Variants in SCRN1 observed in about 807,000 individuals in gnomAD.
The protein encoded by SCRN1 is secernin 1.
In SCRN1, 19 loss-of-function variants were observed where a neutral mutation model predicts 43.3. That is an observed-to-expected ratio of 0.44 (90% confidence interval 0.31 to 0.64). The LOEUF (loss-of-function observed/expected upper bound fraction) is 0.64. SCRN1 is among the 30% of genes least tolerant of loss of function. The pLI, the probability that SCRN1 is intolerant of heterozygous loss-of-function variation, is 0.09. For missense variants in SCRN1, 447 were observed against 524.1 expected, an observed-to-expected ratio of 0.85 and a Z score of 1.44; for synonymous variants, 183 against 188.9, an observed-to-expected ratio of 0.97 and a Z score of 0.26.
chr7:29,930,194 T>C (rs11971393), intron 6 of SCRN1, among the ~76,000 whole-genome samples: 29,033 of 152,074 alleles, frequency 0.19, 2,847 homozygotes, highest in Middle Eastern at 0.23. Context: ...TAAGGTTATC[T>C]AAAAAATAAT....
At position 29,968,924 on chromosome 7, in the gene SCRN1, C is replaced by T. The variant is rs151092464; in HGVS notation, c.144G>A (p.Pro48=). The T allele has an allele frequency of 8.1e-6, 13 of 1,614,098 alleles. 1 individual carries two copies. Among genetic ancestry groups the T allele is most frequent in the Middle Eastern group, 3.3e-4 (2 of 6,060 alleles). Residue 48 remains proline (P), a synonymous_variant, in exon 2 of 8, where the codon CCG becomes CCA. Transcript: ENST00000242059. ...VVYFSAADHE[P]ESKVECTYIS... ...CACGGCTTACCTCAACCTTGCTCTC[C>T]GGTTCGTGATCAGCAGCCGAGAAAT...
rs1201376450 is a variant in SCRN1 at position 29,968,949 on chromosome 7, T to C, written c.119A>G (p.Tyr40Cys). The C allele has an allele frequency of 1.9e-6, 3 of 1,613,894 alleles. No homozygotes were observed. Among genetic ancestry groups the C allele is most frequent in the Non-Finnish European group, 2.5e-6 (3 of 1,180,018 alleles). ...CGGTTCGTGATCAGCAGCCGAGAAA[T>C]ACACAACCTCTTGCACTTCATCTCT... ...RPRDEVQEVV[Y>C]FSAADHEPES... is the part of the protein sequence containing the mutation. Residue 40 changes from tyrosine (Y) to cysteine (C), a missense_variant, in exon 2 of 8, where the codon TAT becomes TGT. Physicochemically the swap from Tyr to Cys is radical, Grantham distance 194 (BLOSUM62 -2). Coordinates refer to ENST00000242059, the MANE Select transcript of SCRN1 (RefSeq NM_014766.5).
At position 29,920,133 on chromosome 7, in the gene SCRN1, T is replaced by C. The variant is rs1329003515; in HGVS notation, c.*3824A>G. The stretch of plus-strand genomic sequence containing the variant: ...GTTAATTTCAGTTTTTTTTATTGTA[T>C]GCTTGATGCATTTAGAGACAATTCC... On this transcript the variant is annotated 3_prime_UTR_variant, in exon 8 of 8. Coordinates refer to ENST00000242059, the MANE Select transcript of SCRN1 (RefSeq NM_014766.5). 1 of 152,642 alleles carries C rather than the reference T, an allele frequency of 6.6e-6. No individual in the cohort carries two copies. The highest frequency in any genetic ancestry group is 1.5e-5 in the Non-Finnish European group (1 of 68,038). 9.5% of individuals were successfully genotyped at this position (152,642 alleles called of 1,614,324 possible). A position where few individuals can be genotyped will look rare whatever the true frequency, so the allele number is the denominator to read the frequency against.
At chr7:29,973,609 G>T (rs1437767817) in intron 1 of SCRN1, among the ~76,000 whole-genome samples, 1 of 152,176 alleles carries the variant, frequency 6.6e-6, no homozygotes, top group Non-Finnish European at 1.5e-5. Flanking sequence ...GTCACATCAA[G>T]TACTTTAGTG....
chr7:29,951,520 G>A (rs1005251987), intron 3 of SCRN1, among the ~76,000 whole-genome samples: 29 of 152,190 alleles, frequency 1.9e-4, no homozygotes, highest in African/African-American at 4.8e-5. Flanking sequence ...TGGGATTACA[G>A]GCATGAGCCA....
intron 2 of SCRN1, among the ~76,000 whole-genome samples, chr7:29,960,170 C>T (rs1424363172): frequency 1.3e-5 from 2 of 152,048 alleles, no homozygotes; most frequent in East Asian, 1.9e-4. Flanking sequence ...TACACACACC[C>T]CACACATCAC....
At chr7:29,976,903 A>G (rs568389301) in intron 1 of SCRN1, among the ~76,000 whole-genome samples, 17 of 152,374 alleles carry the variant, frequency 1.1e-4, no homozygotes, top group African/African-American at 4.1e-4. Context: ...CTAGGAGACC[A>G]CATACAGAAT....
At chr7:29,958,675 T>C (rs1346700476) in intron 2 of SCRN1, among the ~76,000 whole-genome samples, 1 of 152,246 alleles carries the variant, frequency 6.6e-6, no homozygotes, top group Non-Finnish European at 1.5e-5. Context: ...ACGGTGCTGG[T>C]CTCACCTTTG....
At chr7:29,930,072 C>A (rs1787107839) in intron 6 of SCRN1, among the ~76,000 whole-genome samples, 1 of 151,902 alleles carries the variant, frequency 6.6e-6, no homozygotes, top group African/African-American at 2.4e-5. Context: ...CCAAAGCTCT[C>A]CAAATATTTT....
At chr7:29,947,026 C>T (rs1787758385) in intron 3 of SCRN1, among the ~76,000 whole-genome samples, 1 of 152,236 alleles carries the variant, frequency 6.6e-6, no homozygotes, top group African/African-American at 2.4e-5. Flanking sequence ...GGGCAGTGCT[C>T]TCTGGCCCCA....
intron 6 of SCRN1, among the ~76,000 whole-genome samples, chr7:29,929,436 A>G (rs546740893): frequency 5.3e-4 from 80 of 152,302 alleles, no homozygotes; most frequent in African/African-American, 1.8e-3. Flanking sequence ...CTCCAAACCC[A>G]AGTGGGAGCA....
chr7:29,960,508 CT>C (rs905821844), intron 2 of SCRN1, among the ~76,000 whole-genome samples: 1 of 152,100 alleles, frequency 6.6e-6, no homozygotes, highest in African/African-American at 2.4e-5. Context: ...TCAAATCTAA[CT>C]TTGTTATCAA....
intron 1 of SCRN1, among the ~76,000 whole-genome samples, chr7:29,975,712 C>T (rs1788808613): frequency 6.6e-6 from 1 of 152,178 alleles, no homozygotes; most frequent in Non-Finnish European, 1.5e-5. Flanking sequence ...GCTAAAAGGG[C>T]AGGTCTGCTG....
At chr7:29,939,805 T>A (rs1787469435) in intron 5 of SCRN1, among the ~76,000 whole-genome samples, 1 of 152,086 alleles carries the variant, frequency 6.6e-6, no homozygotes, top group African/African-American at 2.4e-5. Context: ...GGCACAAAAG[T>A]AAGAAGCTAT....
At position 29,985,903 on chromosome 7, in the gene SCRN1, C is replaced by T. The variant is rs369491341; in HGVS notation, c.-2+3739G>A. On this transcript the variant is annotated intron_variant, in intron 1 of 7. Coordinates refer to ENST00000242059, the MANE Select transcript of SCRN1 (RefSeq NM_014766.5). ...CCAGTTCTACAAACAGCATTATGAGCTCAGCCACCCTCCAGTTCCTGTTAA... is the reference window on the plus strand; with the variant it reads ...CCAGTTCTACAAACAGCATTATGAGTTCAGCCACCCTCCAGTTCCTGTTAA... Among the ~76,000 whole-genome samples the T allele has an allele frequency of 2.0e-5, 3 of 152,332 alleles. 1 individual carries two copies. The East Asian group carries it at 5.8e-4, about 29-fold the overall frequency.
chr7:29,989,169 C>G (rs962504202), intron 1 of SCRN1: 1 of 152,222 alleles, frequency 6.6e-6, no homozygotes, highest in Admixed American at 6.6e-5. Context: ...AGAGCCGGGC[C>G]GAAGGCGGCG....
chr7:29,932,977 A>G (rs1351921476), intron 6 of SCRN1, among the ~76,000 whole-genome samples: 1 of 151,974 alleles, frequency 6.6e-6, no homozygotes, highest in Non-Finnish European at 1.5e-5. Context: ...CCCAGGTTCA[A>G]GTGATTCTCC....
intron 2 of SCRN1, among the ~76,000 whole-genome samples, chr7:29,966,314 G>A (rs1318427479): frequency 6.6e-6 from 1 of 152,144 alleles, no homozygotes; most frequent in Non-Finnish European, 1.5e-5. Context: ...GAGAGTGAAG[G>A]GCATAGACTC....
At chr7:29,976,113 C>T (rs1665949847) in intron 1 of SCRN1, among the ~76,000 whole-genome samples, 1 of 152,046 alleles carries the variant, frequency 6.6e-6, no homozygotes, top group Non-Finnish European at 1.5e-5. Flanking sequence ...TTCTCCTTGT[C>T]CCCCCTCCAA....
Sources: allele counts gnomAD v4.1 joint callset (sites outside exome capture counted in the v4.1 genomes callset), GRCh38; gene constraint gnomAD v4.1.1; transcripts MANE v1.5; gene names NCBI Gene and HGNC (gene_info 2026-07-23, HGNC 2026-07-21).